Variants in CCNT2 observed in about 807,000 individuals in gnomAD.
CCNT2 encodes cyclin-T2.
A neutral mutation model predicts 70.0 loss-of-function variants in CCNT2; 18 were observed. The observed-to-expected ratio is 0.26, with a 90% CI of 0.18 to 0.38. The LOEUF (loss-of-function observed/expected upper bound fraction) is 0.38, where lower values mean the gene tolerates loss of function less well. CCNT2 is among the 10% of genes least tolerant of loss of function. The pLI, the probability that CCNT2 is intolerant of heterozygous loss-of-function variation, is 1.00. For missense variants in CCNT2, 734 were observed against 890.2 expected, an observed-to-expected ratio of 0.82 and a Z score of 2.23; for synonymous variants, 334 against 313.3, an observed-to-expected ratio of 1.07 and a Z score of -0.70.
chr2:134,921,989 T>A (rs1679944845), intron 2 of CCNT2, among the ~76,000 whole-genome samples: 1 of 152,210 alleles, frequency 6.6e-6, no homozygotes, highest in Admixed American at 6.5e-5. Flanking sequence ...TATTATAATA[T>A]CAAAAGTGGT....
At chr2:134,946,257 T>G in intron 6 of CCNT2, 111 bp downstream of exon 6, 1 of 1,353,274 alleles carries the variant, frequency 7.4e-7, no homozygotes, top group South Asian at 1.2e-5. Flanking sequence ...GACTGGACCA[T>G]CTACTGTGGT....
intron 2 of CCNT2, 24 bp from the exon 3 acceptor site, chr2:134,936,817 A>G (rs1681189111): frequency 6.3e-7 from 1 of 1,589,424 alleles, no homozygotes; most frequent in South Asian, 1.2e-5. Flanking sequence ...TTCTTAAATG[A>G]CCAGAGTTTT....
Position 134,954,105 on chromosome 2 carries a change from A to T in CCNT2, c.1650A>T (p.Pro550=). 1 of 1,614,198 alleles carries T rather than the reference A, an allele frequency of 6.2e-7. No individual in the cohort carries two copies. The highest frequency in any genetic ancestry group is 8.5e-7 in the Non-Finnish European group (1 of 1,180,032). The change falls in exon 9 of 9, where the codon CCA becomes CCT. Residue 550 remains proline, a synonymous_variant. Transcript: ENST00000264157. ...GTGGGAAGAGCAAACATTCAAGCCC[A>T]CATATTAGCAGAGACCATAAGGAGA... ...EGSGKSKHSS[P]HISRDHKEKH...
rs1164901523 is a variant in CCNT2 at position 134,958,864 on chromosome 2, A to C, written c.*4216A>C. The C allele has an allele frequency of 6.6e-6, 1 of 152,206 alleles. No individual in the cohort carries two copies. The highest frequency in any genetic ancestry group is 1.5e-5 in the Non-Finnish European group (1 of 68,020). The allele number at this position is 152,206 out of a possible 1,614,324, so 9.4% of individuals were successfully genotyped here. A position where few individuals can be genotyped will look rare whatever the true frequency, so the allele number is the denominator to read the frequency against. The stretch of plus-strand genomic sequence containing the variant: ...CCTATTCTGCCTGACAGATTGATTA[A>C]GTAGGTTGATAAGATCCATCGAAGA... On this transcript the variant is annotated 3_prime_UTR_variant, in exon 9 of 9. Coordinates refer to ENST00000264157, the MANE Select transcript of CCNT2 (RefSeq NM_058241.3).
In CCNT2 at chr2:134,954,698, T is replaced by G. The variant is rs1559119450; in HGVS notation, c.*50T>G. On this transcript the variant is annotated 3_prime_UTR_variant, in exon 9 of 9. Coordinates refer to ENST00000264157, the MANE Select transcript of CCNT2 (RefSeq NM_058241.3). ...TTTACTTTTTTAATTTAAAAATTGTTAGAATGGAAAAATTCCTTCTGATCT... is the reference window on the plus strand; with the variant it reads ...TTTACTTTTTTAATTTAAAAATTGTGAGAATGGAAAAATTCCTTCTGATCT... 1 of 1,299,418 alleles carries G rather than the reference T, an allele frequency of 7.7e-7. No homozygotes were observed. The highest frequency in any genetic ancestry group is 1.1e-6 in the Non-Finnish European group (1 of 916,262). 80.5% of individuals were successfully genotyped at this position (1,299,418 alleles called of 1,614,324 possible). A position where few individuals can be genotyped will look rare whatever the true frequency, so the allele number is the denominator to read the frequency against.
At chr2:134,930,542 A>T (rs769794193) in intron 2 of CCNT2, among the ~76,000 whole-genome samples, 1 of 152,220 alleles carries the variant, frequency 6.6e-6, no homozygotes, top group Admixed American at 6.5e-5. Context: ...CTGGATTGGT[A>T]TGGTAACTTT....
chr2:134,933,971 G>T (rs1290665220), intron 2 of CCNT2, among the ~76,000 whole-genome samples: 1 of 152,132 alleles, frequency 6.6e-6, no homozygotes, highest in African/African-American at 2.4e-5. Context: ...AGATCACAGA[G>T]CCAAGATTCC....
Position 134,954,395 on chromosome 2 carries a change from C to T in CCNT2, c.1940C>T (p.Ser647Phe). 1 of 1,614,066 alleles carries T rather than the reference C, an allele frequency of 6.2e-7. No individual in the cohort carries two copies. The highest frequency in any genetic ancestry group is 8.5e-7 in the Non-Finnish European group (1 of 1,179,928). ...AAAAGTTCAGGTAGTTCATCTAGTTCTTCCTCCTCTGTTAAGCAGTATATA... is the reference window on the plus strand; with the variant it reads ...AAAAGTTCAGGTAGTTCATCTAGTTTTTCCTCCTCTGTTAAGCAGTATATA... ...SSKSSGSSSSSSSSVKQYISS... is the reference protein window; with the variant it reads ...SSKSSGSSSSFSSSVKQYISS... The change falls in exon 9 of 9, where the codon TCT (serine) becomes TTT (phenylalanine). Residue 647 changes from serine to phenylalanine, a missense_variant. Coordinates refer to ENST00000264157, the MANE Select transcript of CCNT2 (RefSeq NM_058241.3).
At chr2:134,928,642 A>C (rs1056108361) in intron 2 of CCNT2, among the ~76,000 whole-genome samples, 5 of 152,174 alleles carry the variant, frequency 3.3e-5, no homozygotes, top group African/African-American at 1.2e-4. Context: ...AAATAGAATT[A>C]CTATTGGCCA....
At chr2:134,946,656 CTGGA>C (rs1681993118) in intron 6 of CCNT2, among the ~76,000 whole-genome samples, 1 of 149,870 alleles carries the variant, frequency 6.7e-6, no homozygotes, top group Non-Finnish European at 1.5e-5. Context: ...CTATCCATGC[CTGGA>C]TTTGCATAAA....
intron 2 of CCNT2, among the ~76,000 whole-genome samples, chr2:134,931,023 C>T (rs1000390648): frequency 4.0e-5 from 6 of 150,554 alleles, no homozygotes; most frequent in African/African-American, 1.5e-4. Context: ...AGTGCAGTGG[C>T]GCCATCTGGG....
intron 2 of CCNT2, among the ~76,000 whole-genome samples, chr2:134,934,979 A>T (rs146518075): frequency 1.3e-5 from 2 of 152,194 alleles, no homozygotes; most frequent in Non-Finnish European, 2.9e-5. Context: ...TGAATGTCTT[A>T]TGTGGGCATC....
chr2:134,952,842 A>G (rs972767502), intron 8 of CCNT2, 131 bp downstream of exon 8: 3 of 658,116 alleles, frequency 4.6e-6, no homozygotes, highest in South Asian at 2.0e-5. Flanking sequence ...CTCAAGTTAC[A>G]TATACTCACA....
chr2:134,934,818 C>T (rs1681032944), intron 2 of CCNT2, among the ~76,000 whole-genome samples: 1 of 152,144 alleles, frequency 6.6e-6, no homozygotes, highest in Non-Finnish European at 1.5e-5. Context: ...GTACTAAATT[C>T]GGTCTAATTT....
At position 134,954,170 on chromosome 2, in the gene CCNT2, G is replaced by C. The variant is rs780840699; in HGVS notation, c.1715G>C (p.Ser572Thr). The C allele has an allele frequency of 6.2e-7, 1 of 1,614,194 alleles. No individual in the cohort carries two copies. The highest frequency in any genetic ancestry group is 1.1e-5 in the South Asian group (1 of 91,082). ...CCTTCAAGCCGCCACCACACCAGCAGCCACAAGCATTCCCACTCGCATAGT... is the reference window on the plus strand; with the variant it reads ...CCTTCAAGCCGCCACCACACCAGCACCCACAAGCATTCCCACTCGCATAGT... ...EHPSSRHHTS[S>T]HKHSHSHSGS... The change falls in exon 9 of 9, where the codon AGC becomes ACC. Residue 572 changes from serine (S) to threonine (T), a missense_variant. This residue lies in a region of CCNT2 where 532 missense variants were observed against 556.9 expected (regional missense o/e 0.96). Coordinates refer to ENST00000264157, the MANE Select transcript of CCNT2 (RefSeq NM_058241.3).
intron 2 of CCNT2, among the ~76,000 whole-genome samples, chr2:134,932,256 A>G (rs1680834659): frequency 6.6e-6 from 1 of 152,082 alleles, no homozygotes; most frequent in South Asian, 2.1e-4. Context: ...CCGTCTTGGC[A>G]TCCCGAAGTG....
chr2:134,919,115 G>C (rs886297819), intron 1 of CCNT2, 103 bp downstream of exon 1: 95 of 1,309,572 alleles, frequency 7.3e-5, no homozygotes, highest in Non-Finnish European at 9.8e-5. Context: ...CCTTCGCTGG[G>C]CCTCGGCGCC....
chr2:134,952,230 T>C (rs570142176), intron 7 of CCNT2, among the ~76,000 whole-genome samples: 1 of 152,364 alleles, frequency 6.6e-6, no homozygotes, highest in East Asian at 1.9e-4. Context: ...ATTAATACAT[T>C]TCATGGGGAA....
chr2:134,936,759 A>G (rs1478737947), intron 2 of CCNT2, 82 bp from the exon 3 acceptor site: 14 of 1,358,230 alleles, frequency 1.0e-5, no homozygotes, highest in Non-Finnish European at 1.0e-5. Context: ...CACCTCAAAA[A>G]AAAAACAGAA....
Sources: allele counts gnomAD v4.1 joint callset (sites outside exome capture counted in the v4.1 genomes callset), GRCh38; gene constraint gnomAD v4.1.1; regional missense constraint gnomAD v4.1.1; transcripts MANE v1.5; gene names NCBI Gene and HGNC (gene_info 2026-07-23, HGNC 2026-07-21).